ZFHX3: variants seen among roughly 807,000 people sequenced by gnomAD.
The protein encoded by ZFHX3 is zinc finger homeobox 3.
In ZFHX3, 42 loss-of-function variants were observed where a neutral mutation model predicts 279.1. That is an observed-to-expected ratio of 0.15 (90% CI 0.12 to 0.19). ZFHX3 has a LOEUF of 0.19. Among genes scored for constraint, ZFHX3 ranks in the 10% least tolerant of loss-of-function variants. The probability of loss-of-function intolerance (pLI) is 1.00; values close to 1 mark genes in which losing one functional copy is unlikely to be tolerated. For synonymous variants in ZFHX3, 2,293 were observed against 1,957.8 expected, an observed-to-expected ratio of 1.17 and a Z score of -4.52; for missense variants, 4,981 against 4,754.0, an observed-to-expected ratio of 1.05 and a Z score of -1.40.
Position 73,337,892 on chromosome 16 carries a change from C to CGGAG in ZFHX3, c.-1290-19557_-1290-19556insCTCC, listed in dbSNP as rs1012445200. The stretch of plus-strand genomic sequence containing the variant: ...TCAATAAGTCTTCATCTTCCCTTGG[C>CGGAG]GGGGGGGGGGGTCCTCATCCCCTTT... On this transcript the variant is annotated intron_variant, in intron 3 of 17. Transcript: ENST00000641206. Among the ~76,000 whole-genome samples, 13 of 79,162 alleles carry CGGAG rather than the reference C, an allele frequency of 1.6e-4. 1 individual carries two copies. Among genetic ancestry groups the CGGAG allele is most frequent in the Non-Finnish European group, 3.9e-4 (13 of 33,526 alleles). 51.9% of individuals were successfully genotyped at this position (79,162 alleles called of 152,430 possible).
At chr16:72,852,756 G>A (rs184553157) in intron 4 of ZFHX3, among the ~76,000 whole-genome samples, 2 of 152,280 alleles carry the variant, frequency 1.3e-5, no homozygotes, top group East Asian at 1.9e-4. Context: ...CTCAAGAGTG[G>A]CAGTTGATAA....
chr16:72,907,689 T>G (rs1324065802), intron 3 of ZFHX3, among the ~76,000 whole-genome samples: 4 of 151,310 alleles, frequency 2.6e-5, no homozygotes, highest in African/African-American at 9.7e-5. Flanking sequence ...TCCTTTTTTT[T>G]TTTTTTGATG....
chr16:73,502,072 G>T (rs1361972012), intron 2 of ZFHX3, among the ~76,000 whole-genome samples: 1 of 152,018 alleles, frequency 6.6e-6, no homozygotes, highest in African/African-American at 2.4e-5. Context: ...ACTGGAAAGT[G>T]GTTAAAGGTA....
In ZFHX3 at chr16:72,786,721, C is replaced by CT. The variant is rs1351589655; in HGVS notation, c.*442dup. On this transcript the variant is annotated 3_prime_UTR_variant, in exon 10 of 10. Coordinates refer to ENST00000268489, the MANE Select transcript of ZFHX3 (RefSeq NM_006885.4). Reference sequence around the variant, plus strand: ...TTAGCAAGCCATTGGTATCTGAATGCTAAGATAGCAAGAAATTTAAAACTG... The same window carrying CT: ...TTAGCAAGCCATTGGTATCTGAATGCTTAAGATAGCAAGAAATTTAAAACTG... 1 of 152,240 alleles carries CT rather than the reference C, an allele frequency of 6.6e-6. No homozygotes were observed. The highest frequency in any genetic ancestry group is 1.5e-5 in the Non-Finnish European group (1 of 68,016). 9.4% of individuals were successfully genotyped at this position (152,240 alleles called of 1,614,324 possible).
At chr16:73,617,373 G>A (rs1441330286) in intron 2 of ZFHX3, among the ~76,000 whole-genome samples, 2 of 152,236 alleles carry the variant, frequency 1.3e-5, no homozygotes, top group African/African-American at 2.4e-5. Context: ...TCCCAGAGAA[G>A]TTGCTGAAAT....
At chr16:73,584,313 A>G (rs908408831) in intron 2 of ZFHX3, among the ~76,000 whole-genome samples, 8 of 152,200 alleles carry the variant, frequency 5.3e-5, no homozygotes, top group Non-Finnish European at 1.0e-4. Context: ...AGAACAAATA[A>G]CAGTAAATCC....
At chr16:73,548,347 CT>C (rs1374492379) in intron 2 of ZFHX3, among the ~76,000 whole-genome samples, 1 of 152,178 alleles carries the variant, frequency 6.6e-6, no homozygotes, top group Non-Finnish European at 1.5e-5. Context: ...ATCTCGTCTT[CT>C]TTAGTTCTTG....
chr16:73,541,341 C>T (rs1054831710), intron 2 of ZFHX3, among the ~76,000 whole-genome samples: 2 of 151,994 alleles, frequency 1.3e-5, no homozygotes, highest in South Asian at 4.2e-4. Flanking sequence ...AAAAACTTAG[C>T]CAGGCCTGTG....
intron 7 of ZFHX3, chr16:72,809,612 C>T (rs2036378099): frequency 6.6e-6 from 1 of 152,170 alleles, no homozygotes; most frequent in African/African-American, 2.4e-5. Flanking sequence ...TCTCTTGATG[C>T]ATCATCAATT....
chr16:72,881,089 T>A (rs537973999), intron 4 of ZFHX3, among the ~76,000 whole-genome samples: 8 of 152,356 alleles, frequency 5.3e-5, no homozygotes, highest in Non-Finnish European at 8.8e-5. Context: ...AGCCTGGGTC[T>A]ACCAGAAGTC....
intron 3 of ZFHX3, among the ~76,000 whole-genome samples, chr16:73,373,326 A>C (rs1395183305): frequency 6.6e-6 from 1 of 152,220 alleles, no homozygotes; most frequent in Non-Finnish European, 1.5e-5. Flanking sequence ...AGATGGATCA[A>C]ATAGGAAGAG....
At chr16:73,494,788 G>A (rs1229923413) in intron 2 of ZFHX3, among the ~76,000 whole-genome samples, 2 of 151,042 alleles carry the variant, frequency 1.3e-5, no homozygotes, top group East Asian at 1.9e-4. Context: ...GGCTGGTCTC[G>A]AACTCCCAAC....
At chr16:72,845,533 C>G (rs188667376) in intron 4 of ZFHX3, among the ~76,000 whole-genome samples, 1 of 152,190 alleles carries the variant, frequency 6.6e-6, no homozygotes, top group African/African-American at 2.4e-5. Context: ...ACTCACATCA[C>G]TGCCCCACGC....
chr16:73,528,195 T>G (rs1269450488), intron 2 of ZFHX3, among the ~76,000 whole-genome samples: 1 of 152,222 alleles, frequency 6.6e-6, no homozygotes, highest in Non-Finnish European at 1.5e-5. Context: ...GCATTATCAC[T>G]GTATTATGGG....
At chr16:73,661,418 G>T (rs1425337986) in intron 2 of ZFHX3, among the ~76,000 whole-genome samples, 2 of 152,148 alleles carry the variant, frequency 1.3e-5, no homozygotes, top group African/African-American at 2.4e-5. Flanking sequence ...TCCAAGCACA[G>T]ATTTTTAATA....
intron 4 of ZFHX3, among the ~76,000 whole-genome samples, chr16:73,270,856 C>G (rs922306571): frequency 5.9e-5 from 9 of 152,126 alleles, no homozygotes; most frequent in African/African-American, 2.2e-4. Context: ...CTAGAGTGTT[C>G]TAGGTATGGA....
At chr16:73,364,577 G>A (rs944897373) in intron 3 of ZFHX3, among the ~76,000 whole-genome samples, 1 of 152,148 alleles carries the variant, frequency 6.6e-6, no homozygotes, top group African/African-American at 2.4e-5. Context: ...TGATCACAGG[G>A]TAGCATGGCC....
Position 72,793,949 on chromosome 16 carries a change from T to C in ZFHX3, c.8733A>G (p.Thr2911=), listed in dbSNP as rs772238400. Reference sequence around the variant, plus strand: ...GGCTTGAGGTTTCACTGTAGTCCACTGTACCTTCATTGTCATATTCCTTGC... The same window carrying C: ...GGCTTGAGGTTTCACTGTAGTCCACCGTACCTTCATTGTCATATTCCTTGC... ...FYSKEYDNEG[T]VDYSETSSLA... Residue 2911 remains threonine, a synonymous_variant, in exon 9 of 10, where the codon ACA becomes ACG. Coordinates refer to ENST00000268489, the MANE Select transcript of ZFHX3 (RefSeq NM_006885.4). This position sits in a 1 kb window ranked among gnomAD's most constrained non-coding sequence, Gnocchi z 4.3. 1.2e-6 allele frequency: 2 copies of C among 1,614,226 alleles called. No homozygotes were observed. The highest frequency in any genetic ancestry group is 4.5e-5 in the East Asian group (2 of 44,874).
At chr16:72,936,497 T>C (rs776208466) in intron 3 of ZFHX3, among the ~76,000 whole-genome samples, 1 of 152,214 alleles carries the variant, frequency 6.6e-6, no homozygotes. Context: ...GACTGGGTTG[T>C]CAGGGAAAGC....
Sources: allele counts gnomAD v4.1 joint callset (sites outside exome capture counted in the v4.1 genomes callset), GRCh38; gene constraint gnomAD v4.1.1; non-coding constraint Gnocchi (gnomAD v3.1); transcripts MANE v1.5; gene names NCBI Gene and HGNC (gene_info 2026-07-23, HGNC 2026-07-21).